Variants in MICU2 observed in about 807,000 individuals in gnomAD.
MICU2 encodes the protein mitochondrial calcium uptake 2, also known as calcium uptake protein 2, mitochondrial.
MICU2 carries 64 observed loss-of-function variants against 60.4 expected under a neutral mutation model. The observed-to-expected ratio is 1.06, with a 90% CI of 0.87 to 1.31. The LOEUF (loss-of-function observed/expected upper bound fraction) is 1.31, where lower values mean the gene tolerates loss of function less well. MICU2 is among the 50% of genes most tolerant of loss of function. The probability of loss-of-function intolerance (pLI) is 0.00; values close to 1 mark genes in which losing one functional copy is unlikely to be tolerated. For synonymous variants in MICU2, 201 were observed against 175.0 expected (o/e 1.15, Z -1.17); for missense variants, 569 against 531.0 (o/e 1.07, Z -0.70).
At chr13:21,596,744 G>A (rs754322151) in intron 1 of MICU2, among the ~76,000 whole-genome samples, 2 of 151,952 alleles carry the variant, frequency 1.3e-5, no homozygotes, top group Non-Finnish European at 2.9e-5. Context: ...GTTCTCATAG[G>A]GCTTACTCTC....
chr13:21,570,629 CTT>C (rs1279865747), intron 1 of MICU2, among the ~76,000 whole-genome samples: 1 of 152,184 alleles, frequency 6.6e-6, no homozygotes, highest in African/African-American at 2.4e-5. Context: ...TAAATTTCAT[CTT>C]TGTTTCACTG....
intron 6 of MICU2, among the ~76,000 whole-genome samples, chr13:21,518,321 A>G (rs1216510884): frequency 1.3e-5 from 2 of 152,210 alleles, no homozygotes; most frequent in Non-Finnish European, 2.9e-5. Flanking sequence ...TATGCCTTCT[A>G]TTGCCTTTTT....
intron 2 of MICU2, among the ~76,000 whole-genome samples, chr13:21,545,828 C>T (rs758392471): frequency 2.1e-5 from 3 of 141,310 alleles, no homozygotes; most frequent in Non-Finnish European, 3.2e-5. Flanking sequence ...GTTCTATATA[C>T]CACTGTAAGA....
intron 2 of MICU2, 64 bp from the exon 3 acceptor site, chr13:21,539,752 G>C: frequency 7.8e-6 from 11 of 1,409,152 alleles, no homozygotes; most frequent in Non-Finnish European, 1.1e-5. Flanking sequence ...CTTGCACTAA[G>C]AAAGAAAATT....
chr13:21,512,225 T>C (rs1264209036), intron 7 of MICU2, among the ~76,000 whole-genome samples: 1 of 152,206 alleles, frequency 6.6e-6, no homozygotes, highest in African/African-American at 2.4e-5. Flanking sequence ...AATATCCTTT[T>C]ATGTGCTTGT....
intron 7 of MICU2, among the ~76,000 whole-genome samples, chr13:21,512,579 C>G (rs1356045794): frequency 6.6e-6 from 1 of 151,568 alleles, no homozygotes; most frequent in Non-Finnish European, 1.5e-5. Flanking sequence ...TCCTGAGTAG[C>G]TGGGACTACG....
At chr13:21,586,722 A>G (rs9509805) in intron 1 of MICU2, among the ~76,000 whole-genome samples, 20,886 of 152,100 alleles carry the variant, frequency 0.14, 1,594 homozygotes, top group Middle Eastern at 0.23. Flanking sequence ...GTTACAGCAT[A>G]TATTTTAGTC....
intron 2 of MICU2, among the ~76,000 whole-genome samples, chr13:21,548,822 T>C (rs1458867576): frequency 1.3e-5 from 2 of 151,642 alleles, no homozygotes; most frequent in African/African-American, 2.4e-5. Flanking sequence ...GGGAGGTAGA[T>C]AGAAGGTGGG....
chr13:21,587,164 C>T (rs1477000645), intron 1 of MICU2, among the ~76,000 whole-genome samples: 1 of 152,096 alleles, frequency 6.6e-6, no homozygotes, highest in Non-Finnish European at 1.5e-5. Flanking sequence ...TTTCAGGAGA[C>T]TGGTTACATA....
At chr13:21,565,716 C>T (rs1317863020) in intron 2 of MICU2, among the ~76,000 whole-genome samples, 6 of 152,148 alleles carry the variant, frequency 3.9e-5, no homozygotes, top group Non-Finnish European at 7.4e-5. Context: ...ACCTGTAATC[C>T]CAGCTACTCG....
intron 2 of MICU2, among the ~76,000 whole-genome samples, chr13:21,550,125 T>C (rs1887517628): frequency 6.6e-6 from 1 of 152,204 alleles, no homozygotes; most frequent in South Asian, 2.1e-4. Flanking sequence ...TGCTTTAACT[T>C]AATAAAGACT....
At chr13:21,586,036 C>T (rs1888449882) in intron 1 of MICU2, among the ~76,000 whole-genome samples, 1 of 151,968 alleles carries the variant, frequency 6.6e-6, no homozygotes, top group African/African-American at 2.4e-5. Context: ...TTAAAAAACC[C>T]CAATTAGCTG....
At chr13:21,563,454 C>CA (rs199787662) in intron 2 of MICU2, among the ~76,000 whole-genome samples, 33,040 of 138,370 alleles carry the variant, frequency 0.24, 4,464 homozygotes, top group East Asian at 0.65. Context: ...GACTTTGTCT[C>CA]AAAAAAAAAA....
At chr13:21,556,391 C>T (rs1296649835) in intron 2 of MICU2, among the ~76,000 whole-genome samples, 4 of 152,158 alleles carry the variant, frequency 2.6e-5, no homozygotes, top group African/African-American at 9.7e-5. Context: ...CTCTTCACCT[C>T]CAAATGTTGG....
chr13:21,560,231 TAAGG>T (rs758528342), intron 2 of MICU2, among the ~76,000 whole-genome samples: 19 of 152,204 alleles, frequency 1.2e-4, no homozygotes, highest in Non-Finnish European at 2.2e-4. Context: ...GTGGCTTATT[TAAGG>T]AAGATTTCTT....
intron 1 of MICU2, among the ~76,000 whole-genome samples, chr13:21,574,223 A>G (rs1483514234): frequency 1.3e-5 from 2 of 152,108 alleles, no homozygotes; most frequent in Admixed American, 6.5e-5. Flanking sequence ...GTGGGAGTGG[A>G]GGGATGGATT....
intron 1 of MICU2, among the ~76,000 whole-genome samples, chr13:21,590,903 A>G (rs1455161236): frequency 6.6e-6 from 1 of 152,190 alleles, no homozygotes; most frequent in Non-Finnish European, 1.5e-5. Context: ...ATGGAAAAGA[A>G]GAACTGATAC....
intron 8 of MICU2, among the ~76,000 whole-genome samples, chr13:21,504,772 T>C (rs1046209118): frequency 6.6e-6 from 1 of 152,222 alleles, no homozygotes; most frequent in African/African-American, 2.4e-5. Flanking sequence ...TGTGAGTCTA[T>C]CATGCATGTC....
chr13:21,510,482 T>C (rs1334071134), intron 7 of MICU2, among the ~76,000 whole-genome samples: 1 of 152,250 alleles, frequency 6.6e-6, no homozygotes, highest in Non-Finnish European at 1.5e-5. Context: ...GAGCTTTTGT[T>C]GAATGTTGGA....
Sources: gnomAD v4.1 joint callset for allele counts (sites outside exome capture counted in the v4.1 genomes callset) on GRCh38, gnomAD v4.1.1 for gene constraint, MANE v1.5 for transcripts, NCBI Gene and HGNC (gene_info 2026-07-23, HGNC 2026-07-21) for gene names.